The following ZNF771 variants were observed in gnomAD, a reference collection of about 807,000 sequenced individuals.
The protein encoded by ZNF771 is zinc finger protein 771.
In ZNF771, 10 loss-of-function variants were observed where a neutral mutation model predicts 27.6. The ratio of observed to expected loss-of-function variants is 0.36; its 90% CI spans 0.22 to 0.61. The LOEUF is 0.61. ZNF771 is among the 20% of genes least tolerant of loss of function. ZNF771 has a pLI of 0.70. For missense variants in ZNF771, 438 were observed against 503.7 expected (o/e 0.87, Z 1.25); for synonymous variants, 261 against 225.2 (o/e 1.16, Z -1.43).
rs886134377 is a variant in ZNF771, at chr16:30,417,511, C to T, written c.142-44C>T. The T allele has an allele frequency of 2.5e-6, 3 of 1,189,058 alleles. No individual in the cohort carries two copies. The Admixed American group carries it at 1.3e-4, about 52-fold the overall frequency. 73.7% of individuals were successfully genotyped at this position (1,189,058 alleles called of 1,614,324 possible). On this transcript the variant is annotated intron_variant, in intron 2 of 2. Coordinates refer to ENST00000319296, the MANE Select transcript of ZNF771 (RefSeq NM_001142305.2). ...CTGTGGAGACCCAGGTCTCTGGCTC[C>T]GGGGCCTGCCGCTAAGGGCTGACCT...
chr16:30,407,851 C>G (rs2050083657), intron 1 of ZNF771, among the ~76,000 whole-genome samples, 187 bp downstream of exon 1: 1 of 151,514 alleles, frequency 6.6e-6, no homozygotes, highest in African/African-American at 2.4e-5. Context: ...GAACGCGAGC[C>G]CTCGGAGCTG....
At chr16:30,410,287 G>A (rs1235254716) in intron 2 of ZNF771, among the ~76,000 whole-genome samples, 1 of 152,052 alleles carries the variant, frequency 6.6e-6, no homozygotes, top group African/African-American at 2.4e-5. Flanking sequence ...ATTTTTAGTA[G>A]AGGTGGGGTT....
At chr16:30,414,848 T>C (rs1597031796) in intron 2 of ZNF771, among the ~76,000 whole-genome samples, 1 of 147,738 alleles carries the variant, frequency 6.8e-6, no homozygotes, top group Non-Finnish European at 1.5e-5. Context: ...GGTTTCACCA[T>C]GTTAGCCAGG....
Position 30,417,944 on chromosome 16 carries a change from C to G in ZNF771, c.531C>G (p.Cys177Trp). 2 of 1,513,810 alleles carry G rather than the reference C, an allele frequency of 1.3e-6. No individual in the cohort carries two copies. The highest frequency in any genetic ancestry group is 1.8e-6 in the Non-Finnish European group (2 of 1,140,486). The allele number at this position is 1,513,810 out of a possible 1,614,324, so 93.8% of individuals were successfully genotyped here. Residue 177 changes from cysteine to tryptophan, a missense_variant, in exon 3 of 3, where the codon TGC (cysteine) becomes TGG (tryptophan). Around this residue, in one of 3 missense-constraint regions of ZNF771, gnomAD observed 305 missense variants for 308.0 expected, o/e 0.99. Transcript: ENST00000319296. ...RVHTGEKPYA[C>W]PDCGRAFGGS... is the part of the protein sequence containing the mutation. The stretch of plus-strand genomic sequence containing the variant: ...ACACGGGCGAGAAGCCGTACGCGTG[C>G]CCGGACTGCGGACGCGCCTTTGGCG...
chr16:30,407,796 G>C, intron 1 of ZNF771, 132 bp downstream of exon 1: 1 of 290,538 alleles, frequency 3.4e-6, no homozygotes, highest in Non-Finnish European at 6.5e-6. Flanking sequence ...GCGGGGGCTG[G>C]AGATTCGAAC....
intron 2 of ZNF771, among the ~76,000 whole-genome samples, chr16:30,416,972 T>C (rs1287605602): frequency 1.4e-5 from 2 of 146,362 alleles, no homozygotes; most frequent in Non-Finnish European, 3.0e-5. Context: ...AGGCCCTATA[T>C]GCCAAGAGAT....
At chr16:30,417,494 A>T in intron 2 of ZNF771, 61 bp from the exon 3 acceptor site, 5 of 1,121,356 alleles carry the variant, frequency 4.5e-6, no homozygotes, top group Non-Finnish European at 5.6e-6. Flanking sequence ...GCCTGTGGAG[A>T]CCCAGGTCTC....
At chr16:30,408,024 T>C in intron 1 of ZNF771, 21 bp from the exon 2 acceptor site, 1 of 1,408,376 alleles carries the variant, frequency 7.1e-7, no homozygotes. Context: ...CCTGAGCTTC[T>C]GATCCAGCTC....
chr16:30,416,294 C>T (rs548806314), intron 2 of ZNF771, among the ~76,000 whole-genome samples: 1 of 152,104 alleles, frequency 6.6e-6, no homozygotes, highest in East Asian at 1.9e-4. Flanking sequence ...TTGACAGCTT[C>T]TCAATTAACA....
intron 2 of ZNF771, among the ~76,000 whole-genome samples, chr16:30,409,318 T>C (rs1377148118): frequency 6.6e-6 from 1 of 152,120 alleles, no homozygotes; most frequent in Non-Finnish European, 1.5e-5. Flanking sequence ...AGTAGTGCAC[T>C]GCAGCAGTGA....
At chr16:30,408,914 C>T (rs1457588099) in intron 2 of ZNF771, among the ~76,000 whole-genome samples, 1 of 152,124 alleles carries the variant, frequency 6.6e-6, no homozygotes, top group Non-Finnish European at 1.5e-5. Flanking sequence ...TCAGGTGATC[C>T]TCCCACCTCA....
Position 30,417,803 on chromosome 16 carries a change from C to T in ZNF771, c.390C>T (p.Ala130=). Reference sequence around the variant, plus strand: ...CCGAGTGCGACAAACGCTTCTCGGCCGCCTCGAACCTGCGGCAGCACCGGC... The same window carrying T: ...CCGAGTGCGACAAACGCTTCTCGGCTGCCTCGAACCTGCGGCAGCACCGGC... ...ECPECDKRFS[A]ASNLRQHRRR... Residue 130 remains alanine, a synonymous_variant, in exon 3 of 3, where the codon GCC becomes GCT. Coordinates refer to ENST00000319296, the MANE Select transcript of ZNF771 (RefSeq NM_001142305.2). 2.0e-6 allele frequency: 3 copies of T among 1,488,474 alleles called. No individual in the cohort carries two copies. Among genetic ancestry groups the T allele is most frequent in the Middle Eastern group, 1.8e-4 (1 of 5,470 alleles). The allele number at this position is 1,488,474 out of a possible 1,614,324, so 92.2% of individuals were successfully genotyped here.
At chr16:30,417,409 C>A in intron 2 of ZNF771, 146 bp from the exon 3 acceptor site, 1 of 426,024 alleles carries the variant, frequency 2.3e-6, no homozygotes, top group Non-Finnish European at 3.7e-6. Flanking sequence ...ACTGGATGCG[C>A]ACAGCCATCC....
chr16:30,411,567 C>T (rs938591761), intron 2 of ZNF771, among the ~76,000 whole-genome samples: 11 of 152,164 alleles, frequency 7.2e-5, no homozygotes, highest in Non-Finnish European at 1.2e-4. Context: ...GTAACTCCAC[C>T]GTTTACCAGC....
Position 30,417,915 on chromosome 16 carries a change from G to A in ZNF771, c.502G>A (p.Val168Met). 1.3e-6 allele frequency: 2 copies of A among 1,514,584 alleles called. No homozygotes were observed. The highest frequency in any genetic ancestry group is 1.8e-6 in the Non-Finnish European group (2 of 1,141,402). The allele number at this position is 1,514,584 out of a possible 1,614,324, so 93.8% of individuals were successfully genotyped here. ...QSSNYAQHLR[V>M]HTGEKPYACP... ...CTCCAACTACGCACAGCACCTGCGC[G>A]TGCACACGGGCGAGAAGCCGTACGC... is the stretch of plus-strand genomic sequence containing the variant. Residue 168 changes from valine to methionine, a missense_variant, in exon 3 of 3, where the codon GTG (valine) becomes ATG (methionine). By Grantham distance (21) the Val-to-Met change is conservative. Coordinates refer to ENST00000319296, the MANE Select transcript of ZNF771 (RefSeq NM_001142305.2).
Position 30,418,367 on chromosome 16 carries a change from A to G in ZNF771, c.954A>G (p.Ter318TrpextTer71). The part of the protein sequence containing the change: ...TERCPECEGS[*>W] ...GTTGCCCGGAGTGTGAGGGCAGCTG[A>G]GTCCCGCAGGGCTGCGGAGGGGCGC... Residue 318 changes from the stop codon to tryptophan, a stop_lost, in exon 3 of 3, where the codon TGA (stop) becomes TGG (tryptophan). Transcript: ENST00000319296. 1 of 1,407,912 alleles carries G rather than the reference A, an allele frequency of 7.1e-7. No individual in the cohort carries two copies. Among genetic ancestry groups the G allele is most frequent in the South Asian group, 1.5e-5 (1 of 66,818 alleles). The allele number at this position is 1,407,912 out of a possible 1,614,324, so 87.2% of individuals were successfully genotyped here.
chr16:30,417,812 C>T lies in ZNF771; in HGVS notation c.399C>T (p.Asn133=), dbSNP rs989763037. The T allele has an allele frequency of 2.7e-6, 4 of 1,496,654 alleles. No homozygotes were observed. In the African/African-American group the frequency reaches 4.4e-5, roughly 16 times the overall value. 92.7% of individuals were successfully genotyped at this position (1,496,654 alleles called of 1,614,324 possible). The change falls in exon 3 of 3, where the codon AAC becomes AAT. Residue 133 remains asparagine, a synonymous_variant. Transcript: ENST00000319296. The part of the protein sequence containing the change: ...ECDKRFSAAS[N]LRQHRRRHTG... ...ACAAACGCTTCTCGGCCGCCTCGAA[C>T]CTGCGGCAGCACCGGCGGCGGCACA...
intron 1 of ZNF771, 25 bp from the exon 2 acceptor site, chr16:30,408,020 C>T: frequency 1.5e-6 from 2 of 1,352,448 alleles, no homozygotes; most frequent in Non-Finnish European, 2.0e-6. Context: ...GGGTCCTGAG[C>T]TTCTGATCCA....
chr16:30,415,024 C>T (rs2050126397), intron 2 of ZNF771, among the ~76,000 whole-genome samples: 1 of 128,206 alleles, frequency 7.8e-6, no homozygotes. Flanking sequence ...GTGGCATGAT[C>T]TCAGCTCACT....
Sources: gnomAD v4.1 joint callset for allele counts (sites outside exome capture counted in the v4.1 genomes callset) on GRCh38, gnomAD v4.1.1 for gene constraint, gnomAD v4.1.1 regional missense constraint, MANE v1.5 for transcripts, NCBI Gene and HGNC (gene_info 2026-07-23, HGNC 2026-07-21) for gene names.